Variants in RBM45 observed in about 807,000 individuals in gnomAD.
The protein encoded by RBM45 is RNA binding motif protein 45.
A neutral mutation model predicts 58.5 loss-of-function variants in RBM45; 39 were observed. The observed-to-expected ratio is 0.67, with a 90% CI of 0.52 to 0.87. RBM45 has a LOEUF of 0.87. Ranked by LOEUF, RBM45 falls within the 40% of genes least tolerant of loss-of-function variation. The pLI, the probability that RBM45 is intolerant of heterozygous loss-of-function variation, is 0.00. For synonymous variants in RBM45, 193 were observed against 203.0 expected (o/e 0.95, Z 0.42); for missense variants, 481 against 581.6 (o/e 0.83, Z 1.78).
intron 3 of RBM45, among the ~76,000 whole-genome samples, chr2:178,135,150 C>G (rs374790341): frequency 1.5e-4 from 23 of 152,318 alleles, no homozygotes; most frequent in African/African-American, 5.5e-4. Flanking sequence ...TAACTTAATA[C>G]AAGTGCCAGC....
At chr2:178,121,431 CA>C in intron 5 of RBM45, 72 bp downstream of exon 5, 1 of 749,748 alleles carries the variant, frequency 1.3e-6, no homozygotes, top group Non-Finnish European at 1.9e-6. Flanking sequence ...CACACACACA[CA>C]CACACACACA....
At chr2:178,119,973 C>T (rs1173528478) in intron 3 of RBM45, among the ~76,000 whole-genome samples, 2 of 152,138 alleles carry the variant, frequency 1.3e-5, no homozygotes, top group Non-Finnish European at 2.9e-5. Context: ...AGAAGCCCTA[C>T]AGGATTTTAA....
chr2:178,121,988 G>A (rs1305061022), intron 5 of RBM45, among the ~76,000 whole-genome samples: 1 of 152,122 alleles, frequency 6.6e-6, no homozygotes, highest in East Asian at 1.9e-4. Context: ...GTTAATGGAG[G>A]CATTGTGGCA....
chr2:178,130,519 CAAAAATA>C (rs1422716840), downstream of RBM45, among the ~76,000 whole-genome samples: 1 of 151,680 alleles, frequency 6.6e-6, no homozygotes, highest in Non-Finnish European at 1.5e-5. Flanking sequence ...GACCCTGTCT[CAAAAATA>C]AAAACTAAAA....
In RBM45 at chr2:178,113,343, G is replaced by A. The variant is rs552227145; in HGVS notation, c.300+497G>A. ...TGGGGAGGGACCTCTGGTGTTGGACGTTTTCCTAGTACCAGGCGAAAGAAT... is the reference window on the plus strand; with the variant it reads ...TGGGGAGGGACCTCTGGTGTTGGACATTTTCCTAGTACCAGGCGAAAGAAT... On this transcript the variant is annotated intron_variant, in intron 1 of 9. Transcript: ENST00000286070. Among the ~76,000 whole-genome samples the A allele has an allele frequency of 4.6e-5, 7 of 152,262 alleles. No individual in the cohort carries two copies. The East Asian group carries it at 1.4e-3, about 29-fold the overall frequency.
At chr2:178,127,253 A>C (rs2087945671) in intron 9 of RBM45, among the ~76,000 whole-genome samples, 1 of 152,190 alleles carries the variant, frequency 6.6e-6, no homozygotes, top group Non-Finnish European at 1.5e-5. Flanking sequence ...TCTGTAAAAT[A>C]ATTCTGAATT....
chr2:178,121,167 T>A lies in RBM45; in HGVS notation c.674-13T>A. 6 of 1,386,066 alleles carry A rather than the reference T, an allele frequency of 4.3e-6. 1 individual carries two copies. The South Asian group carries it at 6.4e-5, about 15-fold the overall frequency. The allele number at this position is 1,386,066 out of a possible 1,614,324, so 85.9% of individuals were successfully genotyped here. On this transcript the variant is annotated splice_polypyrimidine_tract_variant and intron_variant, in intron 4 of 9. Coordinates refer to ENST00000286070, the MANE Select transcript of RBM45 (RefSeq NM_152945.4). Reference sequence around the variant, plus strand: ...AGAAATCTAAAGATTTACTTTTTTTTATATTGTCGGAGAACAACAATCTGA... The same window carrying A: ...AGAAATCTAAAGATTTACTTTTTTTAATATTGTCGGAGAACAACAATCTGA...
At chr2:178,123,773 T>C in intron 6 of RBM45, 55 bp from the exon 7 acceptor site, 3 of 1,601,610 alleles carry the variant, frequency 1.9e-6, no homozygotes, top group Non-Finnish European at 2.6e-6. Context: ...AACAAGCTAC[T>C]GTTAAAAGAC....
At chr2:178,129,861 G>A (rs547503600), downstream of RBM45, among the ~76,000 whole-genome samples, 36 of 152,192 alleles carry the variant, frequency 2.4e-4, no homozygotes, top group Admixed American at 9.8e-4. Flanking sequence ...ATGAAAAGGT[G>A]CTTTTTTCAA....
chr2:178,116,783 C>T (rs1369235277), intron 2 of RBM45, among the ~76,000 whole-genome samples: 1 of 151,904 alleles, frequency 6.6e-6, no homozygotes, highest in African/African-American at 2.4e-5. Context: ...TATCACTCCC[C>T]TCTATTGCCT....
exon 4 of RBM45, chr2:178,138,334 A>G (rs2088061495): frequency 1.3e-5 from 2 of 152,216 alleles, no homozygotes; most frequent in Non-Finnish European, 2.9e-5. Flanking sequence ...TCCGACAAAT[A>G]TAGTAAGAGA....
exon 4 of RBM45, chr2:178,137,860 T>G (rs2088057345): frequency 6.6e-6 from 1 of 152,222 alleles, no homozygotes; most frequent in Admixed American, 6.5e-5. Context: ...CAGACAGTTC[T>G]GCAGAATGAG....
At chr2:178,113,028 G>A (rs1034141572) in intron 1 of RBM45, among the ~76,000 whole-genome samples, 182 bp downstream of exon 1, 1 of 152,176 alleles carries the variant, frequency 6.6e-6, no homozygotes, top group African/African-American at 2.4e-5. Context: ...ACGAAGCTGC[G>A]CCGGGTTGCA....
At chr2:178,134,742 A>C (rs1367338855) in intron 3 of RBM45, among the ~76,000 whole-genome samples, 1 of 152,180 alleles carries the variant, frequency 6.6e-6, no homozygotes, top group African/African-American at 2.4e-5. Flanking sequence ...CTGTAATCTC[A>C]GCACTGTGGG....
chr2:178,127,005 C>CA (rs2087939104), intron 9 of RBM45, among the ~76,000 whole-genome samples: 1 of 151,958 alleles, frequency 6.6e-6, no homozygotes, highest in Admixed American at 6.6e-5. Context: ...GGCGAGATCT[C>CA]GATTCACTGC....
chr2:178,128,123 A>T (rs2087958458), intron 9 of RBM45, among the ~76,000 whole-genome samples: 1 of 149,314 alleles, frequency 6.7e-6, no homozygotes, highest in African/African-American at 2.5e-5. Context: ...CTCACAGCTC[A>T]GCCTTGCAAG....
At chr2:178,134,718 G>A (rs973926609) in intron 3 of RBM45, among the ~76,000 whole-genome samples, 13 of 152,064 alleles carry the variant, frequency 8.5e-5, no homozygotes, top group African/African-American at 2.9e-4. Flanking sequence ...TGGGCCGGGC[G>A]CAGTGGCTGA....
At chr2:178,116,128 C>CTTT in intron 1 of RBM45, 134 bp from the exon 2 acceptor site, 7 of 1,074,324 alleles carry the variant, frequency 6.5e-6, no homozygotes, top group South Asian at 3.7e-5. Flanking sequence ...CTGCAGCCTG[C>CTTT]TTTTTTTTTT....
At chr2:178,138,823 A>G (rs1269848353) in exon 4 of RBM45, 1 of 152,122 alleles carries the variant, frequency 6.6e-6, no homozygotes, top group Non-Finnish European at 1.5e-5. Context: ...ACCCTAGGTT[A>G]AGTTAATGAA....
Sources: gnomAD v4.1 joint callset for allele counts (sites outside exome capture counted in the v4.1 genomes callset) on GRCh38, gnomAD v4.1.1 for gene constraint, MANE v1.5 for transcripts, NCBI Gene and HGNC (gene_info 2026-07-23, HGNC 2026-07-21) for gene names.